The following PITRM1 variants were observed in gnomAD, a reference collection of about 807,000 sequenced individuals.
PITRM1 encodes presequence protease, mitochondrial.
In PITRM1, 100 loss-of-function variants were observed where a neutral mutation model predicts 129.9. The observed-to-expected ratio is 0.77, with a 90% CI of 0.65 to 0.91. The LOEUF is 0.91. Ranked by LOEUF, PITRM1 falls within the 40% of genes least tolerant of loss-of-function variation. The pLI, the probability that PITRM1 is intolerant of heterozygous loss-of-function variation, is 0.00. For missense variants in PITRM1, 1,471 were observed against 1,318.3 expected (o/e 1.12, Z -1.79); for synonymous variants, 591 against 508.8 (o/e 1.16, Z -2.17).
Position 3,138,879 on chromosome 10 carries a change from A to G in PITRM1, c.2917+25T>C, listed in dbSNP as rs371941175. The G allele has an allele frequency of 2.3e-4, 378 of 1,611,758 alleles. 1 individual carries two copies. The highest frequency in any genetic ancestry group is 1.6e-3 in the South Asian group (145 of 91,038). On this transcript the variant is annotated intron_variant, in intron 25 of 26. Coordinates refer to ENST00000224949, the MANE Select transcript of PITRM1 (RefSeq NM_014889.4). ...GTCATCTGTGAGGCTGTGGGTTGAG[A>G]TTCTCACTGTTATACTCAAAATACC... is the stretch of plus-strand genomic sequence containing the variant.
intron 10 of PITRM1, 66 bp from the exon 11 acceptor site, chr10:3,158,219 C>T: frequency 1.1e-6 from 1 of 888,874 alleles, no homozygotes; most frequent in Non-Finnish European, 1.8e-6. Flanking sequence ...TCGTAATATG[C>T]TTGATTTAAA....
chr10:3,160,019 A>G, intron 8 of PITRM1, 83 bp from the exon 9 acceptor site: 20 of 1,246,690 alleles, frequency 1.6e-5, no homozygotes, highest in Non-Finnish European at 2.1e-5. Context: ...CACGAAATGG[A>G]GCGAAACAGG....
At chr10:3,172,829 C>A (rs527691170), upstream of PITRM1, 7 of 1,508,334 alleles carry the variant, frequency 4.6e-6, no homozygotes, top group South Asian at 7.4e-5. Context: ...ACGCAGGGCG[C>A]GGGGCGGGGC....
chr10:3,146,203 T>C (rs1840844157), intron 20 of PITRM1: 1 of 164,108 alleles, frequency 6.1e-6, no homozygotes, highest in Admixed American at 5.8e-5. Context: ...CAAATACTAC[T>C]ATCATATAAA....
intron 6 of PITRM1, among the ~76,000 whole-genome samples, chr10:3,164,801 T>G (rs994278749): frequency 6.6e-6 from 1 of 152,144 alleles, no homozygotes. Flanking sequence ...CTGATTAGAG[T>G]GGTGCTGTGT....
Position 3,139,030 on chromosome 10 carries a change from TCTCTATTGTATTTGGGTCCCTAG to T in PITRM1, c.2772-4_2790del. On this transcript the variant is annotated splice_acceptor_variant and splice_polypyrimidine_tract_variant and coding_sequence_variant and intron_variant, in exon 25 of 27. Coordinates refer to ENST00000224949, the MANE Select transcript of PITRM1 (RefSeq NM_014889.4). LOFTEE classifies it high-confidence loss of function. ...ACAGCCTTCCCAAAAGACTGGAGCGTCTCTATTGTATTTGGGTCCCTAGGAAACCCAGAGAAATAAACGGGCAA... is the reference window on the plus strand; with the variant it reads ...ACAGCCTTCCCAAAAGACTGGAGCGTGAAACCCAGAGAAATAAACGGGCAA... 6.2e-7 allele frequency: 1 copy of T among 1,613,904 alleles called. No individual in the cohort carries two copies.
chr10:3,154,415 G>GGCA (rs1841794805), intron 14 of PITRM1, among the ~76,000 whole-genome samples: 1 of 151,618 alleles, frequency 6.6e-6, no homozygotes, highest in Non-Finnish European at 1.5e-5. Flanking sequence ...TGGCTCCTTT[G>GGCA]GCAGCATGTG....
At chr10:3,157,171 C>A in intron 12 of PITRM1, 107 bp from the exon 13 acceptor site, 1 of 1,022,756 alleles carries the variant, frequency 9.8e-7, no homozygotes, top group South Asian at 1.8e-5. Context: ...TTAAATATAC[C>A]ACAGATGATT....
chr10:3,164,036 A>C, intron 6 of PITRM1, 151 bp from the exon 7 acceptor site: 2 of 425,306 alleles, frequency 4.7e-6, no homozygotes. Context: ...AAAAAAAAAA[A>C]AAACACCCAC....
chr10:3,161,635 C>A (rs758681143), intron 7 of PITRM1, among the ~76,000 whole-genome samples: 1 of 151,118 alleles, frequency 6.6e-6, no homozygotes. Context: ...GACAGTTGAA[C>A]CTCTGGAGCA....
intron 25 of PITRM1, 136 bp downstream of exon 25, chr10:3,138,768 C>T (rs753147358): frequency 5.7e-5 from 49 of 854,752 alleles, no homozygotes; most frequent in Admixed American, 1.5e-4. Flanking sequence ...GGGTGTCAGA[C>T]GTGGAAATCG....
chr10:3,150,218 G>A (rs1464582670), intron 15 of PITRM1, among the ~76,000 whole-genome samples: 1 of 152,084 alleles, frequency 6.6e-6, no homozygotes, highest in Non-Finnish European at 1.5e-5. Flanking sequence ...CAAGGGGAGG[G>A]CTGGACATTC....
At chr10:3,168,663 T>C (rs549194844) in intron 2 of PITRM1, among the ~76,000 whole-genome samples, 48 of 152,242 alleles carry the variant, frequency 3.2e-4, no homozygotes, top group Admixed American at 9.8e-4. Context: ...GGCTTCCCCC[T>C]TCACTTGATC....
chr10:3,160,175 G>T (rs1428605908), intron 8 of PITRM1, 29 bp downstream of exon 8: 1 of 1,611,204 alleles, frequency 6.2e-7, no homozygotes, highest in African/African-American at 1.3e-5. Flanking sequence ...TATTTACCAG[G>T]AAGGACACAA....
rs751148566 is a variant in PITRM1 at position 3,155,636 on chromosome 10, C to T, written c.1576G>A (p.Val526Ile). Residue 526 changes from valine (V) to isoleucine (I), a missense_variant, in exon 14 of 27, where the codon GTC (valine) becomes ATC (isoleucine). Physicochemically the swap from Val to Ile is conservative, Grantham distance 29. Coordinates refer to ENST00000224949, the MANE Select transcript of PITRM1 (RefSeq NM_014889.4). ...CTGTCTCCGGGGGACAGAGCCTCGACCTTCTGCTTGAGCTTCGTGGCTTCC... is the reference window on the plus strand; with the variant it reads ...CTGTCTCCGGGGGACAGAGCCTCGATCTTCTGCTTGAGCTTCGTGGCTTCC... ...QVEATKLKQK[V>I]EALSPGDRQQ... 22 of 1,613,942 alleles carry T rather than the reference C, an allele frequency of 1.4e-5. No individual in the cohort carries two copies. Among genetic ancestry groups the T allele is most frequent in the Admixed American group, 8.3e-5 (5 of 60,014 alleles).
At chr10:3,156,108 A>G (rs1187080384) in intron 13 of PITRM1, among the ~76,000 whole-genome samples, 1 of 152,228 alleles carries the variant, frequency 6.6e-6, no homozygotes, top group African/African-American at 2.4e-5. Flanking sequence ...ATAATATAGA[A>G]TTCTATTTTT....
At position 3,147,153 on chromosome 10, in the gene PITRM1, A is replaced by G. The variant is rs1046836859; in HGVS notation, c.2333T>C (p.Met778Thr). 2 of 1,482,428 alleles carry G rather than the reference A, an allele frequency of 1.3e-6. No individual in the cohort carries two copies. Among genetic ancestry groups the G allele is most frequent in the East Asian group, 2.3e-5 (1 of 44,192 alleles). 91.8% of individuals were successfully genotyped at this position (1,482,428 alleles called of 1,614,324 possible). A position where few individuals can be genotyped will look rare whatever the true frequency, so the allele number is the denominator to read the frequency against. The change falls in exon 20 of 27, where the codon ATG becomes ACG. Residue 778 changes from methionine (M) to threonine (T), a missense_variant. Coordinates refer to ENST00000224949, the MANE Select transcript of PITRM1 (RefSeq NM_014889.4). Reference sequence around the variant, plus strand: ...TAGAAACAAATCACACATGCACCTCATATTATCACCATTTAACAAGTGTTT... The same window carrying G: ...TAGAAACAAATCACACATGCACCTCGTATTATCACCATTTAACAAGTGTTT... Reference protein sequence around the residue: ...IKKHLLNGDNMRCSVNATPQQ... With the variant: ...IKKHLLNGDNTRCSVNATPQQ...
chr10:3,163,972 T>A (rs1842666256), intron 6 of PITRM1, 87 bp from the exon 7 acceptor site: 2 of 843,616 alleles, frequency 2.4e-6, no homozygotes, highest in Admixed American at 3.0e-5. Context: ...ATTGATCACA[T>A]TCTGGTGCAT....
chr10:3,138,210 G>A lies in PITRM1; in HGVS notation c.3020+25C>T, dbSNP rs535292240. 53 of 1,594,362 alleles carry A rather than the reference G, an allele frequency of 3.3e-5. No homozygotes were observed. The East Asian group carries it at 6.0e-4, about 18-fold the overall frequency. Reference sequence around the variant, plus strand: ...AGCACGAGGGCTTCCAGTCCCAGACGCTGTCTCCCCCGCTCCCCACTCACC... The same window carrying A: ...AGCACGAGGGCTTCCAGTCCCAGACACTGTCTCCCCCGCTCCCCACTCACC... On this transcript the variant is annotated intron_variant, in intron 26 of 26. Coordinates refer to ENST00000224949, the MANE Select transcript of PITRM1 (RefSeq NM_014889.4).
Sources: allele counts gnomAD v4.1 joint callset (sites outside exome capture counted in the v4.1 genomes callset), GRCh38; gene constraint gnomAD v4.1.1; transcripts MANE v1.5; gene names NCBI Gene and HGNC (gene_info 2026-07-23, HGNC 2026-07-21).